ANKRD28: variants seen among roughly 807,000 people sequenced by gnomAD.
ANKRD28 encodes the protein serine/threonine-protein phosphatase 6 regulatory ankyrin repeat subunit A.
Under a neutral mutation model 126.5 loss-of-function variants are expected in ANKRD28, and 44 were observed. That is an observed-to-expected ratio of 0.35 (90% CI 0.27 to 0.45). ANKRD28 has a LOEUF of 0.45. Among genes scored for constraint, ANKRD28 ranks in the 20% least tolerant of loss-of-function variants. The pLI, the probability that ANKRD28 is intolerant of heterozygous loss-of-function variation, is 1.00. For synonymous variants in ANKRD28, 442 were observed against 468.5 expected, an observed-to-expected ratio of 0.94 and a Z score of 0.73; for missense variants, 1,110 against 1,316.6, an observed-to-expected ratio of 0.84 and a Z score of 2.43.
At chr3:15,760,144 G>T (rs2058376155) in intron 3 of ANKRD28, among the ~76,000 whole-genome samples, 1 of 152,116 alleles carries the variant, frequency 6.6e-6, no homozygotes, top group African/African-American at 2.4e-5. Flanking sequence ...TAAATGATGA[G>T]AACATATGGA....
intron 2 of ANKRD28, among the ~76,000 whole-genome samples, chr3:15,790,509 TATATC>T (rs1326207521): frequency 6.6e-6 from 1 of 152,016 alleles, no homozygotes; most frequent in African/African-American, 2.4e-5. Context: ...ATTAACATGA[TATATC>T]ATATCAAAAA....
intron 1 of ANKRD28, among the ~76,000 whole-genome samples, chr3:15,806,046 C>T (rs575959423): frequency 1.1e-3 from 170 of 152,242 alleles, no homozygotes; most frequent in African/African-American, 3.9e-3. Context: ...CAAGTAATGA[C>T]TCAGAGAGTT....
intron 1 of ANKRD28, among the ~76,000 whole-genome samples, chr3:15,848,385 C>T (rs1228878927): frequency 6.6e-6 from 1 of 152,118 alleles, no homozygotes; most frequent in Non-Finnish European, 1.5e-5. Flanking sequence ...GTTTAAGAAG[C>T]TAACAATAGC....
In ANKRD28 at chr3:15,683,420, T is replaced by C. The variant is rs1186271276; in HGVS notation, c.2389+1806A>G. The stretch of plus-strand genomic sequence containing the variant: ...AGTATGAGTACTAGTCTCTGGCCAC[T>C]TCACTACACTCATTTCTACTTGCCT... On this transcript the variant is annotated intron_variant, in intron 21 of 27. Transcript: ENST00000683139. 4.6e-5 allele frequency among the ~76,000 whole-genome samples: 7 copies of C among 152,178 alleles called. No individual in the cohort carries two copies. In the South Asian group the frequency reaches 1.5e-3, roughly 32 times the overall value.
intron 8 of ANKRD28, among the ~76,000 whole-genome samples, chr3:15,716,814 T>TG (rs1321664714): frequency 6.6e-6 from 1 of 152,202 alleles, no homozygotes; most frequent in Non-Finnish European, 1.5e-5. Context: ...ACACTTCATA[T>TG]GGTCAGGCAC....
intron 3 of ANKRD28, chr3:15,756,610 T>A: frequency 1.6e-6 from 1 of 615,670 alleles, no homozygotes; most frequent in Non-Finnish European, 2.0e-6. Context: ...AATGGCTGTA[T>A]AACTAGTTGG....
rs549246276 is a variant in ANKRD28, at chr3:15,726,517, C to T, written c.641-1993G>A. On this transcript the variant is annotated intron_variant, in intron 6 of 27. Coordinates refer to ENST00000683139, the MANE Select transcript of ANKRD28 (RefSeq NM_001349278.2). ...TCAACTTTCTTCAATTCTATGAAGG[C>T]TGAGAAAGGTTAGGAAGCTATAGAG... Among the ~76,000 whole-genome samples the T allele has an allele frequency of 3.9e-5, 6 of 152,268 alleles. No individual in the cohort carries two copies. In the South Asian group the frequency reaches 1.2e-3, roughly 32 times the overall value.
chr3:15,698,581 T>G (rs983542137), intron 14 of ANKRD28, among the ~76,000 whole-genome samples: 3 of 152,014 alleles, frequency 2.0e-5, no homozygotes, highest in Admixed American at 2.0e-4. Flanking sequence ...TCACAAAGAT[T>G]CCCATACACC....
intron 21 of ANKRD28, among the ~76,000 whole-genome samples, chr3:15,679,842 T>G (rs1178295815): frequency 6.6e-6 from 1 of 151,908 alleles, no homozygotes; most frequent in Non-Finnish European, 1.5e-5. Context: ...TTAAAAATAT[T>G]TGGGGGAAAA....
At chr3:15,826,054 T>C (rs1193800134) in intron 1 of ANKRD28, among the ~76,000 whole-genome samples, 1 of 152,180 alleles carries the variant, frequency 6.6e-6, no homozygotes, top group African/African-American at 2.4e-5. Context: ...AACATGTCTA[T>C]ATCCTATGAC....
At chr3:15,754,719 G>A (rs1005507075) in intron 3 of ANKRD28, among the ~76,000 whole-genome samples, 1 of 152,186 alleles carries the variant, frequency 6.6e-6, no homozygotes, top group Non-Finnish European at 1.5e-5. Context: ...AGATATTAAT[G>A]AGAGGGGGTG....
chr3:15,805,329 T>G (rs2060554822), intron 1 of ANKRD28, among the ~76,000 whole-genome samples: 1 of 152,214 alleles, frequency 6.6e-6, no homozygotes, highest in Admixed American at 6.5e-5. Flanking sequence ...ATTTTCTTCA[T>G]AATTTTGATT....
chr3:15,778,987 G>C (rs1286530730), intron 2 of ANKRD28, among the ~76,000 whole-genome samples: 4 of 152,106 alleles, frequency 2.6e-5, no homozygotes, highest in African/African-American at 9.7e-5. Flanking sequence ...CTGTGAAGAG[G>C]TGCCTTCTGC....
At chr3:15,676,918 T>C in intron 26 of ANKRD28, 56 bp downstream of exon 26, 1 of 1,435,056 alleles carries the variant, frequency 7.0e-7, no homozygotes. Flanking sequence ...AAAATCCATT[T>C]ATCATTTTTA....
At position 15,698,926 on chromosome 3, in the gene ANKRD28, T is replaced by A. The variant is rs534337002; in HGVS notation, c.1548-2681A>T. On this transcript the variant is annotated intron_variant, in intron 14 of 27. Coordinates refer to ENST00000683139, the MANE Select transcript of ANKRD28 (RefSeq NM_001349278.2). ...ATATGGAACCAAAAAAGAGCCCGCATTGCCAAGACAATCCTAAGCCAAAAG... is the reference window on the plus strand; with the variant it reads ...ATATGGAACCAAAAAAGAGCCCGCAATGCCAAGACAATCCTAAGCCAAAAG... Among the ~76,000 whole-genome samples, 376 of 152,308 alleles carry A rather than the reference T, an allele frequency of 2.5e-3. 4 individuals carry two copies. The highest frequency in any genetic ancestry group is 1.0e-3 in the Non-Finnish European group (68 of 68,016).
At chr3:15,748,231 T>G (rs945366894) in intron 4 of ANKRD28, among the ~76,000 whole-genome samples, 3 of 152,238 alleles carry the variant, frequency 2.0e-5, no homozygotes, top group Non-Finnish European at 4.4e-5. Context: ...CTATTCCTCA[T>G]GCTATTTGTT....
At chr3:15,847,761 CACTT>C (rs979564128) in intron 1 of ANKRD28, among the ~76,000 whole-genome samples, 1 of 152,210 alleles carries the variant, frequency 6.6e-6, no homozygotes, top group African/African-American at 2.4e-5. Context: ...AAATGGATAA[CACTT>C]ACTACCAGTT....
chr3:15,839,061 T>C lies in ANKRD28; in HGVS notation c.27+20316A>G, dbSNP rs1050514890. 6.6e-6 allele frequency among the ~76,000 whole-genome samples: 1 copy of C among 152,120 alleles called. No individual in the cohort carries two copies. Among genetic ancestry groups the C allele is most frequent in the Non-Finnish European group, 1.5e-5 (1 of 68,022 alleles). ...TATATAAAATGTCCATAAAAGTTTA[T>C]AAAATAAAACCATTATTCAATGGTG... On this transcript the variant is annotated intron_variant, in intron 1 of 27. Coordinates refer to the ANKRD28 transcript ENST00000399451. The surrounding 1 kb of genome is among the most constrained non-coding windows in gnomAD (Gnocchi z 4.3).
At chr3:15,798,769 G>A (rs773144931), upstream of ANKRD28, among the ~76,000 whole-genome samples, 18 of 151,554 alleles carry the variant, frequency 1.2e-4, no homozygotes, top group Admixed American at 4.6e-4. Flanking sequence ...TCATTTCATC[G>A]TTTTTTTTCT....
Sources: allele counts gnomAD v4.1 joint callset (sites outside exome capture counted in the v4.1 genomes callset), GRCh38; gene constraint gnomAD v4.1.1; non-coding constraint Gnocchi (gnomAD v3.1); transcripts MANE v1.5; gene names NCBI Gene and HGNC (gene_info 2026-07-23, HGNC 2026-07-21).